CAMK2A: variants seen among roughly 807,000 people sequenced by gnomAD.
CAMK2A encodes the protein calcium/calmodulin-dependent protein kinase type II subunit alpha.
A neutral mutation model predicts 79.2 loss-of-function variants in CAMK2A; 7 were observed. The observed-to-expected ratio is 0.09, with a 90% CI of 0.05 to 0.17. The LOEUF (loss-of-function observed/expected upper bound fraction) is 0.17. Ranked by LOEUF, CAMK2A falls within the 10% of genes least tolerant of loss-of-function variation. CAMK2A has a pLI of 1.00. For synonymous variants in CAMK2A, 242 were observed against 251.7 expected, an observed-to-expected ratio of 0.96 and a Z score of 0.36; for missense variants, 214 against 646.4, an observed-to-expected ratio of 0.33 and a Z score of 7.25.
intron 17 of CAMK2A, among the ~76,000 whole-genome samples, chr5:150,227,873 A>C (rs1754671331): frequency 6.6e-6 from 1 of 152,036 alleles, no homozygotes; most frequent in Non-Finnish European, 1.5e-5. Context: ...TCCCTTATCT[A>C]TAATATGGGA....
intron 13 of CAMK2A, among the ~76,000 whole-genome samples, chr5:150,241,239 A>G (rs979111401): frequency 1.3e-5 from 2 of 151,898 alleles, no homozygotes; most frequent in Non-Finnish European, 1.5e-5. Context: ...CAGACCCTGC[A>G]TTTTCCCCAG....
At chr5:150,225,376 T>A (rs943033344) in intron 17 of CAMK2A, among the ~76,000 whole-genome samples, 7 of 151,642 alleles carry the variant, frequency 4.6e-5, no homozygotes, top group African/African-American at 1.7e-4. Flanking sequence ...CCCTGGAGGG[T>A]GGAACTTGGC....
At chr5:150,275,919 T>A (rs1258745869) in intron 1 of CAMK2A, among the ~76,000 whole-genome samples, 1 of 152,002 alleles carries the variant, frequency 6.6e-6, no homozygotes, top group African/African-American at 2.4e-5. Flanking sequence ...CCAGCCCCCC[T>A]CCCCTCCCTG....
At chr5:150,250,090 AG>A in intron 11 of CAMK2A, 135 bp downstream of exon 11, 1 of 662,322 alleles carries the variant, frequency 1.5e-6, no homozygotes, top group South Asian at 1.8e-5. Context: ...CCTGCTGTCC[AG>A]TATGCAGTAG....
chr5:150,272,788 G>A (rs1388440456), intron 2 of CAMK2A, among the ~76,000 whole-genome samples: 1 of 151,958 alleles, frequency 6.6e-6, no homozygotes, highest in Admixed American at 6.6e-5. Context: ...TGGCAAGAGA[G>A]TAGGGAAAGG....
chr5:150,250,792 C>T lies in CAMK2A; in HGVS notation c.712G>A (p.Asp238Asn), dbSNP rs1325334771. The change falls in exon 10 of 19, where the codon GAC becomes AAC. Residue 238 changes from aspartate to asparagine, a missense_variant. Asp to Asn is a conservative substitution (Grantham distance 23, BLOSUM62 1). Transcript: ENST00000671881. ...GAYDFPSPEWDTVTPEAKDLI... is the reference protein window; with the variant it reads ...GAYDFPSPEWNTVTPEAKDLI... Reference sequence around the variant, plus strand: ...TCCTTGGCTTCCGGGGTGACAGTGTCCCATTCCGGCGATGGGAACTGGAAG... The same window carrying T: ...TCCTTGGCTTCCGGGGTGACAGTGTTCCATTCCGGCGATGGGAACTGGAAG... The T allele has an allele frequency of 6.2e-7, 1 of 1,613,920 alleles. No individual in the cohort carries two copies. Among genetic ancestry groups the T allele is most frequent in the African/African-American group, 1.3e-5 (1 of 74,932 alleles).
chr5:150,243,468 T>A (rs1363779831), intron 13 of CAMK2A, among the ~76,000 whole-genome samples: 1 of 152,240 alleles, frequency 6.6e-6, no homozygotes, highest in African/African-American at 2.4e-5. Flanking sequence ...GATGGCGGGT[T>A]GGCTCAGGGT....
At chr5:150,255,504 G>C (rs745481826) in intron 6 of CAMK2A, among the ~76,000 whole-genome samples, 16 of 152,254 alleles carry the variant, frequency 1.1e-4, no homozygotes, top group Non-Finnish European at 2.2e-4. Context: ...GGACTTAGCA[G>C]CTACAACAAA....
chr5:150,229,347 C>T (rs949576830), intron 16 of CAMK2A, among the ~76,000 whole-genome samples: 1 of 152,184 alleles, frequency 6.6e-6, no homozygotes, highest in African/African-American at 2.4e-5. Context: ...GCTCCAGAAT[C>T]CCCCAAGAGT....
At chr5:150,238,213 G>A (rs915555830) in intron 15 of CAMK2A, 1 of 163,146 alleles carries the variant, frequency 6.1e-6, no homozygotes, top group Non-Finnish European at 1.3e-5. Context: ...CACTTTGGGA[G>A]GCCGAGGCAG....
chr5:150,268,644 G>A (rs747973131), intron 2 of CAMK2A, among the ~76,000 whole-genome samples: 6 of 152,210 alleles, frequency 3.9e-5, no homozygotes, highest in South Asian at 2.1e-4. Flanking sequence ...TCACTGCCAC[G>A]TTCCCAGGGC....
intron 13 of CAMK2A, among the ~76,000 whole-genome samples, chr5:150,240,847 C>A (rs913546703): frequency 6.6e-6 from 1 of 152,246 alleles, no homozygotes; most frequent in Non-Finnish European, 1.5e-5. Flanking sequence ...ATTCTAGATG[C>A]CCTTATACCA....
chr5:150,247,738 G>T, intron 12 of CAMK2A, 34 bp downstream of exon 12: 1 of 1,588,872 alleles, frequency 6.3e-7, no homozygotes, highest in Non-Finnish European at 8.6e-7. Context: ...ACTGGTGCAG[G>T]GCTTACTGGG....
In CAMK2A at chr5:150,271,253, A is replaced by G. The variant is rs1434971069; in HGVS notation, c.157+1812T>C. 3.3e-5 allele frequency among the ~76,000 whole-genome samples: 5 copies of G among 152,166 alleles called. No individual in the cohort carries two copies. The East Asian group carries it at 9.6e-4, about 29-fold the overall frequency. ...AGCCTTCCACAAGCTTGGACTTTTC[A>G]TACTGACTGTATAGCACGTGGGGCT... On this transcript the variant is annotated intron_variant, in intron 2 of 18. Transcript: ENST00000671881.
chr5:150,264,048 G>A (rs1756406971), intron 3 of CAMK2A, among the ~76,000 whole-genome samples: 1 of 152,208 alleles, frequency 6.6e-6, no homozygotes, highest in Admixed American at 6.5e-5. Flanking sequence ...GAGAAGGCAT[G>A]GTGGCTGTCA....
intron 15 of CAMK2A, 122 bp downstream of exon 15, chr5:150,238,578 C>T (rs554767134): frequency 7.1e-6 from 7 of 984,634 alleles, no homozygotes; most frequent in South Asian, 1.4e-5. Flanking sequence ...GGCACCAGAG[C>T]GAAGCTCTCT....
At chr5:150,276,067 C>T (rs1173743049) in intron 1 of CAMK2A, among the ~76,000 whole-genome samples, 1 of 152,188 alleles carries the variant, frequency 6.6e-6, no homozygotes, top group Non-Finnish European at 1.5e-5. Flanking sequence ...AATTCCAAGG[C>T]AGTTGGGAGC....
Position 150,281,445 on chromosome 5 carries a change from G to A in CAMK2A, c.62+8119C>T, listed in dbSNP as rs1018156325. Among the ~76,000 whole-genome samples, 12 of 152,178 alleles carry A rather than the reference G, an allele frequency of 7.9e-5. No individual in the cohort carries two copies. The East Asian group carries it at 1.5e-3, about 20-fold the overall frequency. Reference sequence around the variant, plus strand: ...GGGTTGGCCACAGAGGCAGCACCACGCACTGGGCTAGAGTTTGGGCCACAT... The same window carrying A: ...GGGTTGGCCACAGAGGCAGCACCACACACTGGGCTAGAGTTTGGGCCACAT... On this transcript the variant is annotated intron_variant, in intron 1 of 18. Coordinates refer to ENST00000671881, the MANE Select transcript of CAMK2A (RefSeq NM_015981.4).
At chr5:150,248,208 C>G (rs910778521) in intron 11 of CAMK2A, among the ~76,000 whole-genome samples, 1 of 152,114 alleles carries the variant, frequency 6.6e-6, no homozygotes, top group African/African-American at 2.4e-5. Flanking sequence ...CACCTCTTAG[C>G]CCTCTGCCCC....
Sources: allele counts gnomAD v4.1 joint callset (sites outside exome capture counted in the v4.1 genomes callset), GRCh38; gene constraint gnomAD v4.1.1; transcripts MANE v1.5; gene names NCBI Gene and HGNC (gene_info 2026-07-23, HGNC 2026-07-21).